The following POU3F3 variants were observed in gnomAD, a reference collection of about 807,000 sequenced individuals.
POU3F3 encodes POU class 3 homeobox 3.
POU3F3 carries 1 observed loss-of-function variant against 8.6 expected under a neutral mutation model. The observed-to-expected ratio is 0.12, with a 90% confidence interval of 0.04 to 0.55. POU3F3 has a LOEUF of 0.55. Among genes scored for constraint, POU3F3 ranks in the 20% least tolerant of loss-of-function variants. POU3F3 has a pLI of 0.91. For missense variants in POU3F3, 577 were observed against 690.7 expected (o/e 0.84, Z 1.84); for synonymous variants, 418 against 327.4 (o/e 1.28, Z -2.99).
the POU3F3 span, among the ~76,000 whole-genome samples, chr2:104,912,096 C>T: frequency 2.6e-5 from 4 of 152,156 alleles, no homozygotes; most frequent in Non-Finnish European, 5.9e-5. Context: ...GCCTCCAGCA[C>T]CCAGGGTGCC....
the POU3F3 span, among the ~76,000 whole-genome samples, chr2:104,906,420 T>C: frequency 1.3e-5 from 2 of 152,200 alleles, no homozygotes; most frequent in African/African-American, 4.8e-5. Flanking sequence ...CAGTTTTTAT[T>C]AGTGCAGCTT....
chr2:104,871,415 T>C, the POU3F3 span, among the ~76,000 whole-genome samples: 1 of 152,214 alleles, frequency 6.6e-6, no homozygotes, highest in Non-Finnish European at 1.5e-5. Context: ...AGCAGAATTT[T>C]AAAACAGCTT....
At chr2:104,924,022 G>A in the POU3F3 span, among the ~76,000 whole-genome samples, 1 of 152,156 alleles carries the variant, frequency 6.6e-6, no homozygotes, top group East Asian at 1.9e-4. Flanking sequence ...GTGTTTAACG[G>A]ATACAGAGTT....
chr2:104,856,505 G>A lies in POU3F3; in HGVS notation c.995G>A (p.Arg332Gln). The change falls in exon 1 of 1, where the codon CGG (arginine) becomes CAG (glutamine). Residue 332 changes from arginine (R) to glutamine (Q), a missense_variant. Transcript: ENST00000361360. ...LEQFAKQFKQ[R>Q]RIKLGFTQAD... Reference sequence around the variant, plus strand: ...CAGTTCGCCAAGCAGTTCAAGCAGCGGCGCATCAAGCTGGGCTTCACGCAG... The same window carrying A: ...CAGTTCGCCAAGCAGTTCAAGCAGCAGCGCATCAAGCTGGGCTTCACGCAG... 6.2e-7 allele frequency: 1 copy of A among 1,613,966 alleles called. No individual in the cohort carries two copies. The highest frequency in any genetic ancestry group is 8.5e-7 in the Non-Finnish European group (1 of 1,179,992).
chr2:104,919,225 G>T, the POU3F3 span, among the ~76,000 whole-genome samples: 2 of 152,210 alleles, frequency 1.3e-5, no homozygotes, highest in Non-Finnish European at 2.9e-5. Flanking sequence ...TGTGCTGTGT[G>T]TGCATGCACA....
Position 104,857,039 on chromosome 2 carries a change from C to A in POU3F3, c.*26C>A. 11 of 1,389,156 alleles carry A rather than the reference C, an allele frequency of 7.9e-6. No individual in the cohort carries two copies. Among genetic ancestry groups the A allele is most frequent in the Non-Finnish European group, 9.4e-6 (10 of 1,063,810 alleles). The allele number at this position is 1,389,156 out of a possible 1,614,324, so 86.1% of individuals were successfully genotyped here. On this transcript the variant is annotated 3_prime_UTR_variant, in exon 1 of 1. Coordinates refer to ENST00000361360, the MANE Select transcript of POU3F3 (RefSeq NM_006236.3). ...AGCCAGGGCGCAGAGCGAAGAGGGC[C>A]GCCGCCGCCGCCGCCTCCGCAGCCG...
At chr2:104,874,185 T>C in the POU3F3 span, among the ~76,000 whole-genome samples, 6 of 151,740 alleles carry the variant, frequency 4.0e-5, no homozygotes, top group Admixed American at 3.9e-4. Flanking sequence ...GAGGAAGGGG[T>C]AGTGTCCTGA....
chr2:104,868,522 T>C, the POU3F3 span: 194 of 370,702 alleles, frequency 5.2e-4, no homozygotes, highest in African/African-American at 3.7e-3. Context: ...CTTCCAGCTG[T>C]GGTCACCCAC....
chr2:104,917,084 T>C, the POU3F3 span, among the ~76,000 whole-genome samples: 9 of 152,156 alleles, frequency 5.9e-5, no homozygotes, highest in Admixed American at 5.9e-4. Flanking sequence ...GTGCTCCTGG[T>C]TCTCAGGCCT....
At chr2:104,893,088 A>G in the POU3F3 span, among the ~76,000 whole-genome samples, 1 of 152,234 alleles carries the variant, frequency 6.6e-6, no homozygotes, top group African/African-American at 2.4e-5. Flanking sequence ...GACGATTAGC[A>G]ACATATAGAT....
chr2:104,853,795 C>G (rs1431551724), upstream of POU3F3: 1 of 152,026 alleles, frequency 6.6e-6, no homozygotes, highest in Non-Finnish European at 1.5e-5. Context: ...CGCCCAGAGC[C>G]GCCGAGGGAA....
At chr2:104,904,060 A>G in the POU3F3 span, among the ~76,000 whole-genome samples, 1 of 152,174 alleles carries the variant, frequency 6.6e-6, no homozygotes, top group East Asian at 1.9e-4. Flanking sequence ...ATGAAAGAGA[A>G]CTTTCATGGT....
the POU3F3 span, among the ~76,000 whole-genome samples, chr2:104,884,934 C>T: frequency 6.6e-6 from 1 of 152,258 alleles, no homozygotes; most frequent in East Asian, 1.9e-4. Flanking sequence ...TTAAAGGTGT[C>T]TGATACGGCT....
the POU3F3 span, among the ~76,000 whole-genome samples, chr2:104,916,512 G>A: frequency 1.1e-4 from 16 of 152,200 alleles, no homozygotes; most frequent in Non-Finnish European, 2.1e-4. Context: ...AACAAGGGCT[G>A]GAGAATCTGC....
the POU3F3 span, among the ~76,000 whole-genome samples, chr2:104,891,007 G>A: frequency 6.6e-6 from 1 of 152,226 alleles, no homozygotes; most frequent in East Asian, 1.9e-4. Flanking sequence ...GCTACTAGCT[G>A]TGCAGCCCTG....
At chr2:104,862,346 C>T (rs1416147615), downstream of POU3F3, among the ~76,000 whole-genome samples, 1 of 152,152 alleles carries the variant, frequency 6.6e-6, no homozygotes, top group Non-Finnish European at 1.5e-5. Flanking sequence ...CTAGTGTGTG[C>T]GCGCGCGTGC....
At chr2:104,883,201 A>G in the POU3F3 span, among the ~76,000 whole-genome samples, 3 of 152,230 alleles carry the variant, frequency 2.0e-5, no homozygotes, top group East Asian at 5.8e-4. Flanking sequence ...GAAGCCCACT[A>G]CAAGTGCCCA....
the POU3F3 span, among the ~76,000 whole-genome samples, chr2:104,914,128 GT>G: frequency 6.6e-6 from 1 of 152,174 alleles, no homozygotes; most frequent in Non-Finnish European, 1.5e-5. Flanking sequence ...GAGCATCTCT[GT>G]TTTATTAAGT....
chr2:104,865,396 A>C, the POU3F3 span: 1 of 152,258 alleles, frequency 6.6e-6, no homozygotes, highest in Non-Finnish European at 1.5e-5. Flanking sequence ...ACATAGGACA[A>C]AAAGAATGAT....
Sources: gnomAD v4.1 joint callset for allele counts (sites outside exome capture counted in the v4.1 genomes callset) on GRCh38, gnomAD v4.1.1 for gene constraint, MANE v1.5 for transcripts, NCBI Gene and HGNC (gene_info 2026-07-23, HGNC 2026-07-21) for gene names.